Variants in ADK observed in about 807,000 individuals in gnomAD.
ADK encodes the protein N6,N6-dimethyladenosine kinase.
ADK carries 24 observed loss-of-function variants against 44.7 expected under a neutral mutation model. That is an observed-to-expected ratio of 0.54 (90% confidence interval 0.39 to 0.76). The LOEUF is 0.76. ADK is among the 30% of genes least tolerant of loss of function. The pLI is 0.00. For missense variants in ADK, 321 were observed against 425.1 expected (o/e 0.76, Z 2.15); for synonymous variants, 128 against 142.6 (o/e 0.90, Z 0.73).
At chr10:74,157,620 G>A (rs986933991) in intron 1 of ADK, among the ~76,000 whole-genome samples, 8 of 151,810 alleles carry the variant, frequency 5.3e-5, no homozygotes, top group Non-Finnish European at 1.2e-4. Context: ...GGCTCATGCC[G>A]GTAATTCCAG....
chr10:74,406,494 G>GA (rs1350191991), intron 6 of ADK, among the ~76,000 whole-genome samples: 1 of 142,866 alleles, frequency 7.0e-6, no homozygotes, highest in Non-Finnish European at 1.5e-5. Flanking sequence ...CTACCTTTGG[G>GA]ACTCCGATTA....
chr10:74,658,374 G>T (rs1398373405), intron 9 of ADK, among the ~76,000 whole-genome samples: 1 of 152,116 alleles, frequency 6.6e-6, no homozygotes, highest in Admixed American at 6.5e-5. Context: ...ATAACCAAAG[G>T]TAGACAGTCC....
At chr10:74,499,504 C>T (rs1847815140) in intron 6 of ADK, among the ~76,000 whole-genome samples, 1 of 151,992 alleles carries the variant, frequency 6.6e-6, no homozygotes, top group Non-Finnish European at 1.5e-5. Context: ...CTGGCTGAAG[C>T]GGTGAAACCC....
At chr10:74,563,569 G>A (rs539013413) in intron 7 of ADK, among the ~76,000 whole-genome samples, 1 of 152,232 alleles carries the variant, frequency 6.6e-6, no homozygotes, top group Non-Finnish European at 1.5e-5. Context: ...TTAAATCTGA[G>A]TTCCAAAGGG....
intron 9 of ADK, among the ~76,000 whole-genome samples, chr10:74,627,727 G>A (rs953485829): frequency 2.0e-5 from 3 of 152,034 alleles, no homozygotes; most frequent in African/African-American, 7.2e-5. Context: ...CCGCCCCCTG[G>A]GTTAAAGCAA....
chr10:74,690,576 C>G (rs1340406743), intron 10 of ADK, among the ~76,000 whole-genome samples: 1 of 152,196 alleles, frequency 6.6e-6, no homozygotes, highest in African/African-American at 2.4e-5. Flanking sequence ...CCCAACTCAG[C>G]TGACCTTTGA....
At chr10:74,342,024 C>G (rs183795887) in intron 4 of ADK, among the ~76,000 whole-genome samples, 1 of 152,034 alleles carries the variant, frequency 6.6e-6, no homozygotes, top group Non-Finnish European at 1.5e-5. Context: ...GAAAAAAAAG[C>G]TTTATTGAGA....
intron 1 of ADK, among the ~76,000 whole-genome samples, chr10:74,172,762 C>T (rs1223825906): frequency 6.7e-6 from 1 of 149,996 alleles, no homozygotes; most frequent in Non-Finnish European, 1.5e-5. Context: ...ATGGTGAAAC[C>T]CCATCTCTAC....
chr10:74,413,615 A>G (rs1382254085), intron 6 of ADK, among the ~76,000 whole-genome samples: 1 of 152,196 alleles, frequency 6.6e-6, no homozygotes, highest in Non-Finnish European at 1.5e-5. Flanking sequence ...TTGATGTTCT[A>G]TACAGACCAG....
At chr10:74,706,585 T>C (rs1223610019) in intron 10 of ADK, among the ~76,000 whole-genome samples, 1 of 152,238 alleles carries the variant, frequency 6.6e-6, no homozygotes, top group East Asian at 1.9e-4. Context: ...TGGACTCTGT[T>C]CAGTTCCATT....
intron 3 of ADK, among the ~76,000 whole-genome samples, chr10:74,310,663 G>T (rs1840402928): frequency 6.6e-6 from 1 of 152,096 alleles, no homozygotes; most frequent in Non-Finnish European, 1.5e-5. Context: ...TTTTCACACT[G>T]TTGCTAAATA....
chr10:74,513,162 T>A (rs1848414887), intron 6 of ADK, among the ~76,000 whole-genome samples: 1 of 152,162 alleles, frequency 6.6e-6, no homozygotes, highest in Admixed American at 6.5e-5. Context: ...TTGAGACTTC[T>A]ATTGTGTCCT....
At chr10:74,471,863 A>G (rs535930159) in intron 6 of ADK, among the ~76,000 whole-genome samples, 128 of 152,250 alleles carry the variant, frequency 8.4e-4, no homozygotes, top group African/African-American at 2.9e-3. Flanking sequence ...GTGTCCTGCA[A>G]CTTTGCTGAA....
intron 7 of ADK, among the ~76,000 whole-genome samples, chr10:74,573,618 A>G (rs1589261194): frequency 2.6e-5 from 4 of 152,318 alleles, no homozygotes; most frequent in African/African-American, 9.6e-5. Flanking sequence ...GGTGGAGCCT[A>G]CAGAGGCAGG....
In ADK at chr10:74,154,308, G is replaced by A. The variant is rs185198990; in HGVS notation, c.65+2965G>A. Reference sequence around the variant, plus strand: ...TTTTGAGTTGGAGTCTCACTCTGGCGCACAGGTTGGAGTGCAGTGGCACCA... The same window carrying A: ...TTTTGAGTTGGAGTCTCACTCTGGCACACAGGTTGGAGTGCAGTGGCACCA... On this transcript the variant is annotated intron_variant, in intron 1 of 10. Coordinates refer to ENST00000539909, the MANE Select transcript of ADK (RefSeq NM_006721.4). 2.6e-3 allele frequency among the ~76,000 whole-genome samples: 401 copies of A among 152,140 alleles called. 2 individuals are homozygous for A. Among genetic ancestry groups the A allele is most frequent in the African/African-American group, 7.8e-3 (322 of 41,492 alleles).
chr10:74,267,858 C>G (rs1397285567), intron 3 of ADK, among the ~76,000 whole-genome samples: 1 of 150,152 alleles, frequency 6.7e-6, no homozygotes, highest in East Asian at 2.0e-4. Flanking sequence ...GCCTCTTTGG[C>G]TTGTTTGGGT....
At chr10:74,553,702 G>T (rs1850135501) in intron 7 of ADK, among the ~76,000 whole-genome samples, 2 of 152,202 alleles carry the variant, frequency 1.3e-5, no homozygotes, top group South Asian at 4.2e-4. Context: ...TTTTGTTAGG[G>T]GGTATAGGGA....
chr10:74,337,833 G>C (rs1040821067), intron 4 of ADK, among the ~76,000 whole-genome samples: 1 of 151,042 alleles, frequency 6.6e-6, no homozygotes, highest in Non-Finnish European at 1.5e-5. Context: ...TGCAATCTCG[G>C]CTCACCGCAG....
intron 6 of ADK, among the ~76,000 whole-genome samples, chr10:74,438,807 A>G (rs760850086): frequency 1.3e-5 from 2 of 152,084 alleles, no homozygotes; most frequent in African/African-American, 2.4e-5. Context: ...ACATGTTTCA[A>G]TGCATACAGA....
Sources: gnomAD v4.1 joint callset for allele counts (sites outside exome capture counted in the v4.1 genomes callset) on GRCh38, gnomAD v4.1.1 for gene constraint, MANE v1.5 for transcripts, NCBI Gene and HGNC (gene_info 2026-07-23, HGNC 2026-07-21) for gene names.